The following AKAP13 variants were observed in gnomAD, a reference collection of about 807,000 sequenced individuals.
The protein encoded by AKAP13 is A-kinase anchor protein 13.
AKAP13 carries 80 observed loss-of-function variants against 264.5 expected under a neutral mutation model. That is an observed-to-expected ratio of 0.30 (90% CI 0.25 to 0.36). The LOEUF (loss-of-function observed/expected upper bound fraction) is 0.36, where lower values mean the gene tolerates loss of function less well. Among genes scored for constraint, AKAP13 ranks in the 10% least tolerant of loss-of-function variants. AKAP13 has a pLI of 1.00. For synonymous variants in AKAP13, 1,380 were observed against 1,250.2 expected, an observed-to-expected ratio of 1.10 and a Z score of -2.19; for missense variants, 3,712 against 3,435.2, an observed-to-expected ratio of 1.08 and a Z score of -2.01.
intron 1 of AKAP13, among the ~76,000 whole-genome samples, chr15:85,384,944 A>G (rs570667285): frequency 7.2e-4 from 110 of 152,262 alleles, no homozygotes; most frequent in African/African-American, 2.5e-3. Flanking sequence ...GTGTGGGGCA[A>G]TGCTGTGTTC....
intron 1 of AKAP13, among the ~76,000 whole-genome samples, chr15:85,447,928 C>G (rs2073955036): frequency 6.6e-6 from 1 of 152,084 alleles, no homozygotes; most frequent in African/African-American, 2.4e-5. Context: ...CTGCTTTTAG[C>G]TCTTTGAGGA....
At chr15:85,641,890 T>G (rs1183000598) in intron 9 of AKAP13, among the ~76,000 whole-genome samples, 1 of 152,226 alleles carries the variant, frequency 6.6e-6, no homozygotes, top group African/African-American at 2.4e-5. Flanking sequence ...CCCACCGGAT[T>G]TCAGCAGTGT....
Position 85,746,788 on chromosome 15 carries a change from G to A in AKAP13, c.*2111G>A, listed in dbSNP as rs2089380797. ...GCACTGGCTCCGAGTTCCCCTCCTG[G>A]GATTTGCAGGAGGGCAGTACTGAAC... On this transcript the variant is annotated 3_prime_UTR_variant, in exon 37 of 37. Coordinates refer to ENST00000394518, the MANE Select transcript of AKAP13 (RefSeq NM_007200.5). The A allele has an allele frequency of 1.3e-5, 2 of 152,210 alleles. No individual in the cohort carries two copies. Among genetic ancestry groups the A allele is most frequent in the South Asian group, 2.1e-4 (1 of 4,834 alleles). The allele number at this position is 152,210 out of a possible 1,614,324, so 9.4% of individuals were successfully genotyped here.
chr15:85,468,966 G>T (rs528583150), intron 1 of AKAP13, among the ~76,000 whole-genome samples: 1 of 108,582 alleles, frequency 9.2e-6, no homozygotes, highest in Non-Finnish European at 1.8e-5. Flanking sequence ...CCAGGCTGGA[G>T]TGCAATGGCG....
chr15:85,602,440 T>G (rs2080127525), intron 8 of AKAP13, among the ~76,000 whole-genome samples: 3 of 150,604 alleles, frequency 2.0e-5, no homozygotes, highest in African/African-American at 7.4e-5. Flanking sequence ...CCTCCCAGAG[T>G]GCTGTGATTA....
At chr15:85,617,038 G>A (rs2080966886) in intron 8 of AKAP13, among the ~76,000 whole-genome samples, 1 of 152,234 alleles carries the variant, frequency 6.6e-6, no homozygotes, top group South Asian at 2.1e-4. Context: ...GTCTCAAACA[G>A]TAATCTAGGC....
intron 1 of AKAP13, among the ~76,000 whole-genome samples, chr15:85,427,416 C>G (rs2072843495): frequency 6.6e-6 from 1 of 151,812 alleles, no homozygotes; most frequent in South Asian, 2.1e-4. Context: ...TTTTGAGAGG[C>G]CTGTGTAATC....
chr15:85,575,373 T>C, intron 6 of AKAP13, 44 bp downstream of exon 6: 1 of 1,560,508 alleles, frequency 6.4e-7, no homozygotes, highest in Non-Finnish European at 8.8e-7. Context: ...CATGTGTATG[T>C]GTGTGTTTTG....
intron 1 of AKAP13, among the ~76,000 whole-genome samples, chr15:85,387,966 G>A (rs72752583): frequency 0.01 from 1,523 of 151,494 alleles, 14 homozygotes; most frequent in Middle Eastern, 0.017. Flanking sequence ...GGAATTTTCT[G>A]CATAGACATT....
intron 1 of AKAP13, among the ~76,000 whole-genome samples, chr15:85,426,241 A>G (rs1211877117): frequency 1.3e-5 from 2 of 152,236 alleles, no homozygotes; most frequent in Admixed American, 6.5e-5. Context: ...GTGTCACTGT[A>G]TTACGAGACC....
At chr15:85,705,851 C>T (rs889718761) in intron 17 of AKAP13, among the ~76,000 whole-genome samples, 2 of 152,180 alleles carry the variant, frequency 1.3e-5, no homozygotes, top group African/African-American at 2.4e-5. Context: ...TCAGTGCATT[C>T]GTAGTCTGTG....
At chr15:85,611,959 G>A (rs1256716582) in intron 8 of AKAP13, among the ~76,000 whole-genome samples, 1 of 152,156 alleles carries the variant, frequency 6.6e-6, no homozygotes, top group East Asian at 1.9e-4. Context: ...TATACTGTAA[G>A]GGCCAGTCTC....
chr15:85,384,454 C>T (rs1179068023), intron 1 of AKAP13, among the ~76,000 whole-genome samples: 4 of 152,128 alleles, frequency 2.6e-5, no homozygotes, highest in Admixed American at 1.3e-4. Context: ...CAGTGGCTCA[C>T]GCCTGTAATC....
At chr15:85,619,748 G>C (rs1045144785) in intron 8 of AKAP13, 1 of 1,031,290 alleles carries the variant, frequency 9.7e-7, no homozygotes, top group Non-Finnish European at 1.2e-6. Context: ...TGGAGTCATT[G>C]CCAGTGATGG....
chr15:85,575,628 C>G lies in AKAP13; in HGVS notation c.861+299C>G, dbSNP rs530506194. Reference sequence around the variant, plus strand: ...AATGGCGTGAACCCAGGAGGCGGAGCTTGCAGTGAGCCGAGATCACGCCAT... The same window carrying G: ...AATGGCGTGAACCCAGGAGGCGGAGGTTGCAGTGAGCCGAGATCACGCCAT... On this transcript the variant is annotated intron_variant, in intron 6 of 36. Transcript: ENST00000394518. Among the ~76,000 whole-genome samples the G allele has an allele frequency of 1.1e-4, 17 of 151,688 alleles. No homozygotes were observed. In the South Asian group the frequency reaches 3.5e-3, roughly 32 times the overall value.
chr15:85,433,117 G>GTTTTTT (rs199655190), intron 1 of AKAP13, among the ~76,000 whole-genome samples: 8 of 53,222 alleles, frequency 1.5e-4, no homozygotes, highest in South Asian at 4.3e-4. Flanking sequence ...CTTCTGTACA[G>GTTTTTT]TTTTTTTTTT....
At chr15:85,410,184 T>A (rs769144476) in intron 1 of AKAP13, among the ~76,000 whole-genome samples, 1 of 147,730 alleles carries the variant, frequency 6.8e-6, no homozygotes, top group African/African-American at 2.7e-5. Context: ...CAGGTGTGGT[T>A]ATTAGAATAA....
chr15:85,411,689 G>A (rs1286782422), intron 1 of AKAP13, among the ~76,000 whole-genome samples: 1 of 152,008 alleles, frequency 6.6e-6, no homozygotes. Flanking sequence ...CGCCTGCCTC[G>A]GCCTCCTGAA....
chr15:85,649,721 G>T (rs1286401795), intron 10 of AKAP13, among the ~76,000 whole-genome samples: 4 of 152,134 alleles, frequency 2.6e-5, no homozygotes, highest in Non-Finnish European at 4.4e-5. Flanking sequence ...TTATTCTCAT[G>T]AATATGTGTG....
Sources: gnomAD v4.1 joint callset for allele counts (sites outside exome capture counted in the v4.1 genomes callset) on GRCh38, gnomAD v4.1.1 for gene constraint, MANE v1.5 for transcripts, NCBI Gene and HGNC (gene_info 2026-07-23, HGNC 2026-07-21) for gene names.